GALNT6: variants seen among roughly 807,000 people sequenced by gnomAD.
GALNT6 encodes the protein GalNAc transferase 6.
A neutral mutation model predicts 65.9 loss-of-function variants in GALNT6; 51 were observed. That is an observed-to-expected ratio of 0.77 (90% CI 0.62 to 0.98). GALNT6 has a LOEUF of 0.98. Among genes scored for constraint, GALNT6 ranks in the 50% least tolerant of loss-of-function variants. GALNT6 has a pLI of 0.00. For synonymous variants in GALNT6, 323 were observed against 315.1 expected, an observed-to-expected ratio of 1.02 and a Z score of -0.26; for missense variants, 708 against 803.3, an observed-to-expected ratio of 0.88 and a Z score of 1.43.
Position 51,365,568 on chromosome 12 carries a change from C to G in GALNT6, c.676G>C (p.Glu226Gln), listed in dbSNP as rs556743875. Residue 226 changes from glutamate to glutamine, a missense_variant, in exon 5 of 12, where the codon GAG becomes CAG. By Grantham distance (29) the Glu-to-Gln change is conservative (BLOSUM62 2). Transcript: ENST00000356317. The stretch of plus-strand genomic sequence containing the variant: ...TGCTTCACGTACTGCTCCAGCTTCT[C>G]CTTTAGGTGCTCTGGAAGGGACAGT... ...DDASTEEHLK[E>Q]KLEQYVKQLQ... The G allele has an allele frequency of 1.9e-6, 3 of 1,613,758 alleles. No homozygotes were observed. In the African/African-American group the frequency reaches 4.0e-5, roughly 22 times the overall value.
At position 51,387,628 on chromosome 12, in the gene GALNT6, C is replaced by T. The variant is rs1385586793; in HGVS notation, c.-104+3222G>A. 6.6e-6 allele frequency among the ~76,000 whole-genome samples: 1 copy of T among 152,136 alleles called. No homozygotes were observed. Among genetic ancestry groups the T allele is most frequent in the Non-Finnish European group, 1.5e-5 (1 of 68,040 alleles). ...GGTTTTTCACTGGAGACCCTGTAGGCCCTTCCAGGTGGGGCAGGGGTGTGC... is the reference window on the plus strand; with the variant it reads ...GGTTTTTCACTGGAGACCCTGTAGGTCCTTCCAGGTGGGGCAGGGGTGTGC... On this transcript the variant is annotated intron_variant, in intron 2 of 11. Coordinates refer to ENST00000356317, the MANE Select transcript of GALNT6 (RefSeq NM_007210.4). The surrounding 1 kb of genome is among the most constrained non-coding windows in gnomAD (Gnocchi z 4.2).
chr12:51,379,325 G>T lies in GALNT6; in HGVS notation c.457C>A (p.Gln153Lys). Residue 153 changes from glutamine (Q) to lysine (K), a missense_variant, in exon 3 of 12, where the codon CAG becomes AAG. Physicochemically the swap from Gln to Lys is moderately conservative, Grantham distance 53. Transcript: ENST00000356317. The stretch of plus-strand genomic sequence containing the variant: ...CGGGTGTCTGGCCCCAGGGACCTCT[G>T]CAGGGAGATCCGGTCGCTGGCAAAG... ...NAFASDRISL[Q>K]RSLGPDTRPP... The T allele has an allele frequency of 1.3e-6, 2 of 1,531,484 alleles. No individual in the cohort carries two copies. The highest frequency in any genetic ancestry group is 1.8e-4 in the Middle Eastern group (1 of 5,632). The allele number at this position is 1,531,484 out of a possible 1,614,324, so 94.9% of individuals were successfully genotyped here. A position where few individuals can be genotyped will look rare whatever the true frequency, so the allele number is the denominator to read the frequency against.
intron 2 of GALNT6, chr12:51,383,720 A>T (rs550574141): frequency 6.6e-6 from 1 of 152,264 alleles, no homozygotes; most frequent in Admixed American, 6.5e-5. Flanking sequence ...GAAATGAGAC[A>T]CCTGGGATTA....
At chr12:51,357,314 A>C (rs1286388358) in intron 10 of GALNT6, 35 bp downstream of exon 10, 1 of 1,324,792 alleles carries the variant, frequency 7.5e-7, no homozygotes, top group South Asian at 1.2e-5. Context: ...GCCGGTGAGG[A>C]GAGGAGATGC....
intron 4 of GALNT6, among the ~76,000 whole-genome samples, chr12:51,368,097 G>A (rs1316314915): frequency 6.6e-6 from 1 of 151,680 alleles, no homozygotes; most frequent in Non-Finnish European, 1.5e-5. Flanking sequence ...GAGTTTCAAG[G>A]TGGTCTCTTG....
chr12:51,358,541 T>G (rs1030113228), intron 8 of GALNT6, among the ~76,000 whole-genome samples: 7 of 152,114 alleles, frequency 4.6e-5, no homozygotes, highest in Admixed American at 1.3e-4. Flanking sequence ...CCTTAGGTGA[T>G]CTGCCCGCCT....
chr12:51,380,233 C>T (rs891495547), intron 2 of GALNT6, among the ~76,000 whole-genome samples: 1 of 152,184 alleles, frequency 6.6e-6, no homozygotes, highest in Non-Finnish European at 1.5e-5. Flanking sequence ...AGCAATTCCA[C>T]TCCTCATTTT....
At chr12:51,378,878 G>GCCCAC (rs1947551268) in intron 3 of GALNT6, among the ~76,000 whole-genome samples, 1 of 119,408 alleles carries the variant, frequency 8.4e-6, no homozygotes, top group South Asian at 3.1e-4. Context: ...GTTAAGAAAT[G>GCCCAC]CCCACCCCCC....
chr12:51,388,930 C>T (rs1307042356), intron 2 of GALNT6, among the ~76,000 whole-genome samples: 1 of 152,202 alleles, frequency 6.6e-6, no homozygotes, highest in South Asian at 2.1e-4. Context: ...GTTCAGGGTA[C>T]GAGAGAATAA....
intron 7 of GALNT6, among the ~76,000 whole-genome samples, chr12:51,360,419 T>C (rs1321393280): frequency 1.3e-5 from 2 of 152,100 alleles, no homozygotes; most frequent in Non-Finnish European, 2.9e-5. Flanking sequence ...CCCTAACCCT[T>C]TCCCACAGAC....
At chr12:51,375,914 G>T (rs1212396576) in intron 4 of GALNT6, among the ~76,000 whole-genome samples, 1 of 151,886 alleles carries the variant, frequency 6.6e-6, no homozygotes, top group Non-Finnish European at 1.5e-5. Flanking sequence ...AGGCAGAAAA[G>T]CAGTGGTGCC....
At chr12:51,383,419 T>C (rs908459290) in intron 2 of GALNT6, 1 of 152,186 alleles carries the variant, frequency 6.6e-6, no homozygotes, top group Non-Finnish European at 1.5e-5. Flanking sequence ...AAAGGCATGG[T>C]AAGATTGTAG....
chr12:51,363,056 T>C (rs1358866203), intron 6 of GALNT6, among the ~76,000 whole-genome samples: 2 of 152,082 alleles, frequency 1.3e-5, no homozygotes, highest in Admixed American at 6.6e-5. Flanking sequence ...GCACCAATCC[T>C]TTCCTCCTTT....
In GALNT6 at chr12:51,364,334, A is replaced by T. The variant is rs1447949602; in HGVS notation, c.836T>A (p.Leu279Gln). The change falls in exon 6 of 12, where the codon CTG becomes CAG. Residue 279 changes from leucine to glutamine, a missense_variant. Physicochemically the swap from Leu to Gln is moderately radical, Grantham distance 113. Transcript: ENST00000356317. Reference sequence around the variant, plus strand: ...AGCGATTCGAGCCAGGAGGGGCTCCAGCCAGCCGTGGAAGCACTCACCTGC... The same window carrying T: ...AGCGATTCGAGCCAGGAGGGGCTCCTGCCAGCCGTGGAAGCACTCACCTGC... ...DAHCECFHGW[L>Q]EPLLARIAED... 1 of 1,614,138 alleles carries T rather than the reference A, an allele frequency of 6.2e-7. No homozygotes were observed. The highest frequency in any genetic ancestry group is 8.5e-7 in the Non-Finnish European group (1 of 1,179,946).
chr12:51,378,348 G>A (rs563683723), intron 3 of GALNT6, among the ~76,000 whole-genome samples: 47 of 152,232 alleles, frequency 3.1e-4, no homozygotes, highest in African/African-American at 1.1e-3. Flanking sequence ...GTAGAGACAG[G>A]CTTTCACCAT....
intron 2 of GALNT6, among the ~76,000 whole-genome samples, chr12:51,384,281 T>C (rs1421853853): frequency 1.3e-5 from 2 of 152,174 alleles, no homozygotes; most frequent in East Asian, 3.8e-4. Context: ...CTCTCACTGG[T>C]GTAAGGAACT....
intron 2 of GALNT6, among the ~76,000 whole-genome samples, chr12:51,390,491 A>G (rs191357242): frequency 6.6e-6 from 1 of 152,192 alleles, no homozygotes; most frequent in African/African-American, 2.4e-5. Context: ...CAAACCCCTC[A>G]CCTGACCTGG....
At position 51,359,279 on chromosome 12, in the gene GALNT6, A is replaced by T. The variant is rs1040777959; in HGVS notation, c.1221T>A (p.His407Gln). ...LEIIPCSVVGHVFRTKSPHTF... is the reference protein window; with the variant it reads ...LEIIPCSVVGQVFRTKSPHTF... ...TGTGGGGGCTCTTGGTCCGGAACAC[A>T]TGGCCTACGACAGAGCAGGGGATGA... Residue 407 changes from histidine (H) to glutamine (Q), a missense_variant, in exon 8 of 12, where the codon CAT (histidine) becomes CAA (glutamine). Coordinates refer to ENST00000356317, the MANE Select transcript of GALNT6 (RefSeq NM_007210.4). The T allele has an allele frequency of 6.2e-7, 1 of 1,614,032 alleles. No homozygotes were observed. The highest frequency in any genetic ancestry group is 8.5e-7 in the Non-Finnish European group (1 of 1,179,956).
At position 51,364,353 on chromosome 12, in the gene GALNT6, C is replaced by A. The variant is rs772758841; in HGVS notation, c.817G>T (p.Glu273Ter). ...GGCTCCAGCCAGCCGTGGAAGCACT[C>A]ACCTGCAGGCCCCAACCAGGAGGCA... ...EVLTFLDAHC[E>*]CFHGWLEPLL... Residue 273 changes from glutamate to a stop codon, truncating the protein, a stop_gained and splice_region_variant, in exon 6 of 12, where the codon GAG becomes TAG. Transcript: ENST00000356317. LOFTEE classifies it high-confidence loss of function. 1.2e-6 allele frequency: 2 copies of A among 1,611,510 alleles called. No individual in the cohort carries two copies. Among genetic ancestry groups the A allele is most frequent in the Non-Finnish European group, 1.7e-6 (2 of 1,177,630 alleles).
Sources: gnomAD v4.1 joint callset for allele counts (sites outside exome capture counted in the v4.1 genomes callset) on GRCh38, gnomAD v4.1.1 for gene constraint, Gnocchi (gnomAD v3.1) non-coding constraint, MANE v1.5 for transcripts, NCBI Gene and HGNC (gene_info 2026-07-23, HGNC 2026-07-21) for gene names.